LOC400499: variants seen among roughly 807,000 people sequenced by gnomAD.
At chr16:11,470,637 G>C in the LOC400499 span, 55,506 of 152,146 alleles carry the variant, frequency 0.36, 10,981 homozygotes, top group African/African-American at 0.49. Flanking sequence ...CTGCGTGGAA[G>C]ATGACTGAGC....
the LOC400499 span, among the ~76,000 whole-genome samples, chr16:11,438,176 C>T: frequency 5.4e-4 from 82 of 152,294 alleles, no homozygotes; most frequent in East Asian, 2.9e-3. Context: ...GAGCCTGCCA[C>T]GCAATCATTT....
At chr16:11,406,652 G>A in the LOC400499 span, among the ~76,000 whole-genome samples, 2 of 152,148 alleles carry the variant, frequency 1.3e-5, no homozygotes, top group Admixed American at 6.5e-5. Context: ...TGCTGGTCTC[G>A]AACTCCTCAC....
the LOC400499 span, chr16:11,399,864 G>T: frequency 6.5e-4 from 259 of 398,636 alleles, no homozygotes; most frequent in African/African-American, 4.8e-3. Flanking sequence ...ACATGTAGGG[G>T]AGAGGAGAGG....
At chr16:11,434,087 G>C in the LOC400499 span, among the ~76,000 whole-genome samples, 1 of 152,258 alleles carries the variant, frequency 6.6e-6, no homozygotes, top group East Asian at 1.9e-4. Context: ...ACCTGAGTGA[G>C]GGGGAGGATC....
the LOC400499 span, among the ~76,000 whole-genome samples, chr16:11,445,750 T>A: frequency 6.6e-6 from 1 of 151,882 alleles, no homozygotes; most frequent in Admixed American, 6.6e-5. Context: ...AGGGTTGTGC[T>A]GGCCTTCAGA....
the LOC400499 span, among the ~76,000 whole-genome samples, chr16:11,374,085 A>T: frequency 1.3e-5 from 2 of 152,218 alleles, no homozygotes; most frequent in African/African-American, 4.8e-5. Context: ...ACTAAACTAC[A>T]AATTTAGTAA....
the LOC400499 span, chr16:11,446,950 C>T: frequency 6.6e-7 from 1 of 1,511,752 alleles, no homozygotes; most frequent in Non-Finnish European, 8.8e-7. Context: ...GCCATTAAAG[C>T]AGCTGGCAGT....
chr16:11,415,091 T>C, the LOC400499 span, among the ~76,000 whole-genome samples: 70 of 152,280 alleles, frequency 4.6e-4, 1 homozygote, highest in African/African-American at 1.5e-3. Context: ...GGAATCAGCA[T>C]GACGTCTGCT....
the LOC400499 span, among the ~76,000 whole-genome samples, chr16:11,377,175 A>C: frequency 2.6e-5 from 4 of 152,220 alleles, no homozygotes; most frequent in Non-Finnish European, 4.4e-5. Context: ...GTAGAAATGC[A>C]ACTGACTTTT....
At chr16:11,455,515 A>C in the LOC400499 span, among the ~76,000 whole-genome samples, 2 of 152,110 alleles carry the variant, frequency 1.3e-5, no homozygotes, top group African/African-American at 4.8e-5. Context: ...AAGGTGGATC[A>C]CTTGAGCTCA....
At chr16:11,447,224 G>T in the LOC400499 span, among the ~76,000 whole-genome samples, 1 of 152,164 alleles carries the variant, frequency 6.6e-6, no homozygotes, top group Non-Finnish European at 1.5e-5. Context: ...ATCCAGGCAC[G>T]GTCTTTCACT....
chr16:11,425,152 G>A, the LOC400499 span: 1 of 399,024 alleles, frequency 2.5e-6, no homozygotes. Context: ...CTGATATTGT[G>A]TGTCGGGCCA....
At chr16:11,506,947 C>T in the LOC400499 span, among the ~76,000 whole-genome samples, 1 of 152,212 alleles carries the variant, frequency 6.6e-6, no homozygotes, top group Non-Finnish European at 1.5e-5. Context: ...GGGTCCTCAG[C>T]ATTTCACCCC....
chr16:11,452,685 C>T, the LOC400499 span, among the ~76,000 whole-genome samples: 5 of 152,140 alleles, frequency 3.3e-5, no homozygotes, highest in Admixed American at 3.3e-4. Flanking sequence ...GAGGACAGGG[C>T]CAGGGCTGGC....
the LOC400499 span, chr16:11,435,861 G>A: frequency 9.8e-5 from 39 of 399,052 alleles, no homozygotes; most frequent in Non-Finnish European, 1.5e-4. Context: ...ACTCTGTAGC[G>A]CCCGGCAGCT....
At chr16:11,418,153 G>A in the LOC400499 span, among the ~76,000 whole-genome samples, 6 of 152,302 alleles carry the variant, frequency 3.9e-5, no homozygotes, top group Admixed American at 6.5e-5. Flanking sequence ...TGGCTGGTGC[G>A]AAACAGGTTG....
the LOC400499 span, chr16:11,399,174 G>T: frequency 1.0e-6 from 1 of 981,070 alleles, no homozygotes; most frequent in Non-Finnish European, 1.2e-6. Flanking sequence ...CGGAGCTCCC[G>T]ATCTCCCTCC....
chr16:11,458,862 C>G, the LOC400499 span, among the ~76,000 whole-genome samples: 1 of 151,744 alleles, frequency 6.6e-6, no homozygotes, highest in Admixed American at 6.6e-5. Flanking sequence ...TGGAGAAATC[C>G]CGTCTCTACT....
the LOC400499 span, among the ~76,000 whole-genome samples, chr16:11,386,659 C>T: frequency 6.6e-6 from 1 of 152,226 alleles, no homozygotes; most frequent in Non-Finnish European, 1.5e-5. Flanking sequence ...TAGAGTCCCA[C>T]AGGTTAGACT....
Sources: allele counts gnomAD v4.1 joint callset (sites outside exome capture counted in the v4.1 genomes callset), GRCh38; gene constraint gnomAD v4.1.1; transcripts MANE v1.5.